ASB7: variants seen among roughly 807,000 people sequenced by gnomAD.
The protein encoded by ASB7 is ankyrin repeat and SOCS box protein 7.
ASB7 carries 4 observed loss-of-function variants against 32.5 expected under a neutral mutation model. The observed-to-expected ratio is 0.12, with a 90% CI of 0.06 to 0.28. The LOEUF is 0.28. ASB7 is among the 10% of genes least tolerant of loss of function. ASB7 has a pLI of 1.00. For synonymous variants in ASB7, 172 were observed against 155.6 expected (o/e 1.11, Z -0.78); for missense variants, 181 against 407.1 (o/e 0.44, Z 4.78).
At chr15:100,604,153 A>G (rs2141383379) in intron 2 of ASB7, among the ~76,000 whole-genome samples, 1 of 152,356 alleles carries the variant, frequency 6.6e-6, no homozygotes, top group South Asian at 2.1e-4. Context: ...AGCACTCTAT[A>G]AAAAAGATTT....
chr15:100,644,488 T>C (rs1404013566), intron 5 of ASB7, among the ~76,000 whole-genome samples: 4 of 152,226 alleles, frequency 2.6e-5, no homozygotes, highest in African/African-American at 9.7e-5. Context: ...TGAGTGTGTT[T>C]TGCAGCACGT....
rs995510243 is a variant in ASB7, at chr15:100,612,309, A to C, written c.93A>C (p.Arg31=). ...CTGCTGGGGATGTCCACACAGTGCG[A>C]AAGATGCTAGAACAAGGCTATTCCC... ...AVAAGDVHTV[R]KMLEQGYSPN... Residue 31 remains arginine, a synonymous_variant, in exon 4 of 6, where the codon CGA becomes CGC. Transcript: ENST00000332783. 7 of 1,614,120 alleles carry C rather than the reference A, an allele frequency of 4.3e-6. No homozygotes were observed. In the East Asian group the frequency reaches 1.3e-4, roughly 31 times the overall value.
In ASB7 at chr15:100,611,484, C is replaced by CTTTTTTTTTTTTGTTTTTTTTTTT. The variant is rs2039694807; in HGVS notation, c.-51-670_-51-669insGTTTTTTTTTTTTTTTTTTTTTTT. The stretch of plus-strand genomic sequence containing the variant: ...GGTTAATCACCAGATTGTTTCGATT[C>CTTTTTTTTTTTTGTTTTTTTTTTT]TTTTTTTTTTTTTGAGACAGAATTT... On this transcript the variant is annotated intron_variant, in intron 3 of 5. Transcript: ENST00000332783. 3.9e-5 allele frequency among the ~76,000 whole-genome samples: 3 copies of CTTTTTTTTTTTTGTTTTTTTTTTT among 77,144 alleles called. 1 individual carries two copies. Among genetic ancestry groups the CTTTTTTTTTTTTGTTTTTTTTTTT allele is most frequent in the Non-Finnish European group, 7.0e-5 (3 of 43,162 alleles). 50.6% of individuals were successfully genotyped at this position (77,144 alleles called of 152,430 possible). A position where few individuals can be genotyped will look rare whatever the true frequency, so the allele number is the denominator to read the frequency against.
intron 5 of ASB7, among the ~76,000 whole-genome samples, chr15:100,642,901 G>C (rs1397804333): frequency 6.6e-6 from 1 of 152,244 alleles, no homozygotes; most frequent in Non-Finnish European, 1.5e-5. Flanking sequence ...GCCAGGCGTG[G>C]TGATGCATGC....
intron 4 of ASB7, among the ~76,000 whole-genome samples, chr15:100,613,636 G>T (rs2039715594): frequency 6.6e-6 from 1 of 152,218 alleles, no homozygotes; most frequent in African/African-American, 2.4e-5. Flanking sequence ...TAAAAGGTGG[G>T]TGTAAAGTCA....
chr15:100,636,220 T>G (rs2039922382), intron 5 of ASB7, among the ~76,000 whole-genome samples: 1 of 152,184 alleles, frequency 6.6e-6, no homozygotes, highest in Admixed American at 6.5e-5. Flanking sequence ...AATTGTGTGG[T>G]GGAGGTTTGC....
intron 4 of ASB7, among the ~76,000 whole-genome samples, chr15:100,622,828 A>G (rs1358992940): frequency 6.6e-6 from 1 of 152,216 alleles, no homozygotes; most frequent in Non-Finnish European, 1.5e-5. Context: ...GGAACGTCAC[A>G]TCTACTGGAA....
Position 100,645,761 on chromosome 15 carries a change from G to T in ASB7, c.818-2562G>T. ...AGATGCTAAACATTTACAAAGTGGA[G>T]AATAGGAAATACAATTAAACACTTT... On this transcript the variant is annotated intron_variant, in intron 5 of 5. Coordinates refer to ENST00000332783, the MANE Select transcript of ASB7 (RefSeq NM_198243.3). The T allele has an allele frequency of 5.7e-6, 9 of 1,583,706 alleles. No individual in the cohort carries two copies. In the South Asian group the frequency reaches 8.8e-5, roughly 16 times the overall value.
chr15:100,612,983 A>G (rs529706716), intron 4 of ASB7, among the ~76,000 whole-genome samples: 23 of 152,358 alleles, frequency 1.5e-4, no homozygotes, highest in African/African-American at 4.8e-4. Context: ...AATATGTGCA[A>G]TTGGAAACTA....
In ASB7 at chr15:100,643,750, C is replaced by T. The variant is rs12910842; in HGVS notation, c.818-4573C>T. On this transcript the variant is annotated intron_variant, in intron 5 of 5. Coordinates refer to ENST00000332783, the MANE Select transcript of ASB7 (RefSeq NM_198243.3). ...CCTCGTGATCCGCCTGCCTCAGCCT[C>T]CCAAAGTGCTGGGATTACAGACATG... Among the ~76,000 whole-genome samples, 548 of 151,752 alleles carry T rather than the reference C, an allele frequency of 3.6e-3. 1 individual carries two copies. The highest frequency in any genetic ancestry group is 6.1e-3 in the Non-Finnish European group (417 of 67,908).
Position 100,648,262 on chromosome 15 carries a change from A to G in ASB7, c.818-61A>G, listed in dbSNP as rs572147712. ...CCAGGGAAATGAACAGTTCTTTTCA[A>G]AAGTGCCTTAAATATTGTGCTTTGT... On this transcript the variant is annotated intron_variant, in intron 5 of 5. Transcript: ENST00000332783. 3.0e-5 allele frequency: 44 copies of G among 1,483,790 alleles called. No homozygotes were observed. The African/African-American group carries it at 3.8e-4, about 13-fold the overall frequency. 91.9% of individuals were successfully genotyped at this position (1,483,790 alleles called of 1,614,324 possible).
intron 5 of ASB7, among the ~76,000 whole-genome samples, chr15:100,631,330 G>A (rs1223418707): frequency 3.3e-5 from 5 of 152,196 alleles, no homozygotes; most frequent in African/African-American, 9.7e-5. Flanking sequence ...TGCGATTTAA[G>A]TTTAAATGGC....
At chr15:100,643,978 C>A (rs1298194068) in intron 5 of ASB7, among the ~76,000 whole-genome samples, 1 of 152,060 alleles carries the variant, frequency 6.6e-6, no homozygotes, top group African/African-American at 2.4e-5. Context: ...CCTGGCATGG[C>A]GGCTCATGCC....
At chr15:100,646,020 A>C (rs1261434771) in intron 5 of ASB7, 1 of 446,478 alleles carries the variant, frequency 2.2e-6, no homozygotes, top group African/African-American at 2.0e-5. Flanking sequence ...CTGTAGGGAC[A>C]GTAGACCAGA....
intron 5 of ASB7, among the ~76,000 whole-genome samples, chr15:100,631,905 C>T (rs1168555356): frequency 6.6e-6 from 1 of 152,222 alleles, no homozygotes; most frequent in African/African-American, 2.4e-5. Flanking sequence ...TGGCTTGCCA[C>T]CAACAGAGCA....
At chr15:100,630,211 C>T in intron 5 of ASB7, 169 bp downstream of exon 5, 1 of 1,322,620 alleles carries the variant, frequency 7.6e-7, no homozygotes, top group Non-Finnish European at 9.8e-7. Context: ...TTGACTGTAT[C>T]ACAAGATTTC....
At chr15:100,630,164 A>G in intron 5 of ASB7, 122 bp downstream of exon 5, 2 of 1,375,356 alleles carry the variant, frequency 1.5e-6, no homozygotes, top group Non-Finnish European at 1.9e-6. Flanking sequence ...ACTGCTTGGT[A>G]AGCGATGCCT....
chr15:100,614,977 A>G (rs1244119702), intron 4 of ASB7, among the ~76,000 whole-genome samples: 1 of 152,192 alleles, frequency 6.6e-6, no homozygotes, highest in African/African-American at 2.4e-5. Context: ...TGGTGGTCCC[A>G]TAAAATTATA....
chr15:100,618,782 G>A (rs964294785), intron 4 of ASB7, among the ~76,000 whole-genome samples: 2 of 152,152 alleles, frequency 1.3e-5, no homozygotes, highest in African/African-American at 4.8e-5. Context: ...GCCCCAAGAT[G>A]CAGAAATGAG....
Sources: gnomAD v4.1 joint callset for allele counts (sites outside exome capture counted in the v4.1 genomes callset) on GRCh38, gnomAD v4.1.1 for gene constraint, MANE v1.5 for transcripts, NCBI Gene and HGNC (gene_info 2026-07-23, HGNC 2026-07-21) for gene names.